The following ZIM2 variants were observed in gnomAD, a reference collection of about 807,000 sequenced individuals.
ZIM2 encodes zinc finger imprinted 2, also known as zinc finger protein 656.
Under a neutral mutation model 38.6 loss-of-function variants are expected in ZIM2, and 14 were observed. The ratio of observed to expected loss-of-function variants is 0.36; its 90% CI spans 0.24 to 0.57. ZIM2 has a LOEUF of 0.57. Ranked by LOEUF, ZIM2 falls within the 20% of genes least tolerant of loss-of-function variation. ZIM2 has a pLI of 0.81. For synonymous variants in ZIM2, 247 were observed against 245.8 expected, an observed-to-expected ratio of 1.00 and a Z score of -0.04; for missense variants, 680 against 695.1, an observed-to-expected ratio of 0.98 and a Z score of 0.24.
At chr19:56,839,537 C>G (rs911557968) in intron 1 of ZIM2, among the ~76,000 whole-genome samples, 1 of 152,018 alleles carries the variant, frequency 6.6e-6, no homozygotes, top group Non-Finnish European at 1.5e-5. Flanking sequence ...CAGCAGCCCC[C>G]ATCAAACATG....
chr19:56,802,584 CTA>C (rs1434672830), intron 9 of ZIM2, among the ~76,000 whole-genome samples: 1 of 152,180 alleles, frequency 6.6e-6, no homozygotes, highest in Non-Finnish European at 1.5e-5. Flanking sequence ...TCCTTATACT[CTA>C]TGGTCCACTC....
intron 9 of ZIM2, among the ~76,000 whole-genome samples, chr19:56,793,814 C>A (rs747932404): frequency 3.1e-4 from 47 of 151,334 alleles, no homozygotes; most frequent in Non-Finnish European, 4.7e-4. Flanking sequence ...ATGAAAGAAA[C>A]CAGGCTCAAA....
intron 9 of ZIM2, among the ~76,000 whole-genome samples, chr19:56,795,398 C>G: frequency 6.6e-6 from 1 of 152,206 alleles, no homozygotes; most frequent in Non-Finnish European, 1.5e-5. Context: ...GGCCCCAGCC[C>G]CGCCCAGGCC....
intron 9 of ZIM2, chr19:56,798,844 T>C (rs1319120684): frequency 4.6e-5 from 7 of 152,024 alleles, no homozygotes; most frequent in Non-Finnish European, 1.0e-4. Flanking sequence ...ATGTGGGCAA[T>C]GAACATTTTT....
intron 3 of ZIM2, 137 bp from the exon 4 acceptor site, chr19:56,824,564 G>A (rs2060832692): frequency 1.1e-5 from 18 of 1,614,010 alleles, no homozygotes; most frequent in Admixed American, 3.3e-5. Flanking sequence ...GATGACATCC[G>A]GCTCCTTAGT....
chr19:56,840,515 C>T (rs1372372043), intron 1 of ZIM2, 67 bp downstream of exon 1: 1 of 152,294 alleles, frequency 6.6e-6, no homozygotes, highest in African/African-American at 2.4e-5. Flanking sequence ...CCACTCTGGC[C>T]CAGAGCCGTC....
intron 12 of ZIM2, among the ~76,000 whole-genome samples, chr19:56,776,314 G>A (rs969766903): frequency 2.0e-5 from 3 of 152,080 alleles, no homozygotes; most frequent in Admixed American, 1.3e-4. Context: ...AAAACAAATA[G>A]CTGTTACCAT....
At chr19:56,829,395 T>C (rs1461556594) in intron 2 of ZIM2, among the ~76,000 whole-genome samples, 1 of 151,282 alleles carries the variant, frequency 6.6e-6, no homozygotes, top group African/African-American at 2.4e-5. Flanking sequence ...CCTTTGTATG[T>C]ACAGCTAATT....
intron 9 of ZIM2, among the ~76,000 whole-genome samples, chr19:56,807,798 AAAAAG>A (rs1334891831): frequency 6.6e-6 from 1 of 152,142 alleles, no homozygotes; most frequent in Non-Finnish European, 1.5e-5. Context: ...CTCAAAAAAA[AAAAAG>A]AAAATTAAAA....
chr19:56,788,370 C>A (rs1195802734), intron 10 of ZIM2, among the ~76,000 whole-genome samples: 1 of 152,106 alleles, frequency 6.6e-6, no homozygotes, highest in East Asian at 1.9e-4. Context: ...TTTACTGAGT[C>A]ATTCGGGAGC....
rs141987198 is a variant in ZIM2 at position 56,814,236 on chromosome 19, G to A, written c.490+3510C>T. ...GCTCAGCAGCCTCCACTTCTGGCTC[G>A]GCAGCCTCCACTTCTGGCTCAGCAG... On this transcript the variant is annotated intron_variant, in intron 9 of 12. Transcript: ENST00000629319. This position sits in a 1 kb window ranked among gnomAD's most constrained non-coding sequence, Gnocchi z 5.8. The A allele has an allele frequency of 7.3e-5, 117 of 1,611,216 alleles. No homozygotes were observed. The highest frequency in any genetic ancestry group is 1.6e-4 in the African/African-American group (12 of 74,590).
In ZIM2 at chr19:56,814,353, T is replaced by C. The variant is rs150000696; in HGVS notation, c.490+3393A>G. 3.3e-5 allele frequency: 53 copies of C among 1,613,930 alleles called. No homozygotes were observed. The African/African-American group carries it at 7.1e-4, about 21-fold the overall frequency. On this transcript the variant is annotated intron_variant, in intron 9 of 12. Coordinates refer to ENST00000629319, the MANE Select transcript of ZIM2 (RefSeq NM_001387356.1). This position sits in a 1 kb window ranked among gnomAD's most constrained non-coding sequence, Gnocchi z 5.8. ...GGGCTGCTGCTGCTGCAGCTGCTGC[T>C]GCTTCATCTTCTTCTTCTTCTTCCA...
At chr19:56,837,003 A>T (rs1342562114) in intron 1 of ZIM2, among the ~76,000 whole-genome samples, 8 of 148,772 alleles carry the variant, frequency 5.4e-5, no homozygotes, top group Admixed American at 2.7e-4. Context: ...AAAAAAAAAA[A>T]TTATGACAGG....
chr19:56,816,398 C>T, intron 9 of ZIM2: 5 of 1,613,936 alleles, frequency 3.1e-6, no homozygotes, highest in Non-Finnish European at 4.2e-6. Flanking sequence ...CAGAGCTTCT[C>T]CTTATTGTAA....
intron 9 of ZIM2, chr19:56,816,891 A>G: frequency 6.2e-7 from 1 of 1,614,062 alleles, no homozygotes; most frequent in Non-Finnish European, 8.5e-7. Flanking sequence ...CCAAGGCGGC[A>G]CTCTTATTGA....
intron 11 of ZIM2, 101 bp from the exon 12 acceptor site, chr19:56,779,573 TA>T: frequency 9.0e-7 from 1 of 1,115,100 alleles, no homozygotes; most frequent in Non-Finnish European, 1.3e-6. Context: ...CTCGCAGGAG[TA>T]AAATGAAGCC....
At chr19:56,824,713 G>A in intron 3 of ZIM2, 4 of 1,501,392 alleles carry the variant, frequency 2.7e-6, no homozygotes, top group Non-Finnish European at 3.6e-6. Flanking sequence ...GAAAGACGCG[G>A]CAGCCTGTGA....
At chr19:56,821,617 G>A (rs2060495273) in intron 7 of ZIM2, 34 bp downstream of exon 7, 1 of 1,606,854 alleles carries the variant, frequency 6.2e-7, no homozygotes, top group Non-Finnish European at 8.5e-7. Flanking sequence ...AAATGAAGAT[G>A]GCCTTTCTAG....
At chr19:56,829,343 C>CAAAA (rs35948458) in intron 2 of ZIM2, among the ~76,000 whole-genome samples, 3 of 86,628 alleles carry the variant, frequency 3.5e-5, no homozygotes, top group Non-Finnish European at 4.6e-5. Flanking sequence ...GACTCCATCT[C>CAAAA]AAAAAAAAAA....
Sources: allele counts gnomAD v4.1 joint callset (sites outside exome capture counted in the v4.1 genomes callset), GRCh38; gene constraint gnomAD v4.1.1; non-coding constraint Gnocchi (gnomAD v3.1); transcripts MANE v1.5; gene names NCBI Gene and HGNC (gene_info 2026-07-23, HGNC 2026-07-21).